PCDH9: variants seen among roughly 807,000 people sequenced by gnomAD.
The protein encoded by PCDH9 is protocadherin 9.
A neutral mutation model predicts 70.6 loss-of-function variants in PCDH9; 24 were observed. The ratio of observed to expected loss-of-function variants is 0.34; its 90% confidence interval spans 0.25 to 0.48. The LOEUF (loss-of-function observed/expected upper bound fraction) is 0.48, where lower values mean the gene tolerates loss of function less well. PCDH9 is among the 20% of genes least tolerant of loss of function. The probability of loss-of-function intolerance (pLI) is 0.99; values close to 1 mark genes in which losing one functional copy is unlikely to be tolerated. For missense variants in PCDH9, 1,281 were observed against 1,503.6 expected, an observed-to-expected ratio of 0.85 and a Z score of 2.45; for synonymous variants, 562 against 558.5, an observed-to-expected ratio of 1.01 and a Z score of -0.09.
intron 4 of PCDH9, among the ~76,000 whole-genome samples, chr13:66,374,704 C>G (rs1350202824): frequency 6.6e-6 from 1 of 152,016 alleles, no homozygotes; most frequent in Non-Finnish European, 1.5e-5. Flanking sequence ...TTCCACCTCC[C>G]AAAATGCATC....
chr13:66,584,615 A>T (rs974169610), intron 4 of PCDH9, among the ~76,000 whole-genome samples: 3 of 152,172 alleles, frequency 2.0e-5, no homozygotes, highest in African/African-American at 7.2e-5. Flanking sequence ...ATTTTTCTAG[A>T]TCATTTCGAA....
intron 3 of PCDH9, among the ~76,000 whole-genome samples, chr13:66,852,671 C>T (rs770691917): frequency 1.2e-4 from 19 of 152,256 alleles, no homozygotes; most frequent in East Asian, 1.9e-4. Context: ...CTCTGAAATG[C>T]TGATTGCATT....
chr13:66,580,716 C>T (rs890589935), intron 4 of PCDH9, among the ~76,000 whole-genome samples: 1 of 151,930 alleles, frequency 6.6e-6, no homozygotes, highest in Non-Finnish European at 1.5e-5. Context: ...TTCAAAAAGC[C>T]ATAGAAACGT....
chr13:66,544,862 T>A (rs569488918), intron 4 of PCDH9, among the ~76,000 whole-genome samples: 1 of 152,262 alleles, frequency 6.6e-6, no homozygotes, highest in African/African-American at 2.4e-5. Flanking sequence ...TCCATATGGT[T>A]TCAGCCAGTT....
intron 3 of PCDH9, among the ~76,000 whole-genome samples, chr13:66,682,082 T>C (rs924957195): frequency 6.6e-6 from 1 of 151,806 alleles, no homozygotes; most frequent in African/African-American, 2.4e-5. Flanking sequence ...GTTATCTATT[T>C]ATGACTCAAA....
intron 4 of PCDH9, among the ~76,000 whole-genome samples, chr13:66,458,483 G>T (rs1426660197): frequency 6.6e-6 from 1 of 151,952 alleles, no homozygotes; most frequent in African/African-American, 2.4e-5. Flanking sequence ...AAGAGAGCTG[G>T]TCACCTTTTT....
At chr13:66,494,094 A>C (rs1489134548) in intron 4 of PCDH9, among the ~76,000 whole-genome samples, 5 of 152,110 alleles carry the variant, frequency 3.3e-5, no homozygotes, top group Admixed American at 2.6e-4. Flanking sequence ...AAGAAAACAA[A>C]ATGTAAATTT....
chr13:66,643,915 T>C (rs2077738684), intron 3 of PCDH9, among the ~76,000 whole-genome samples: 3 of 151,980 alleles, frequency 2.0e-5, no homozygotes, highest in South Asian at 2.1e-4. Context: ...AAATAAAACA[T>C]GTACAAAATT....
At chr13:66,942,094 T>A (rs571217276) in intron 2 of PCDH9, among the ~76,000 whole-genome samples, 36 of 151,888 alleles carry the variant, frequency 2.4e-4, no homozygotes, top group Non-Finnish European at 4.9e-4. Context: ...ACAAAATAGA[T>A]AATTAGAAGT....
chr13:66,937,794 C>T (rs1257609142), intron 2 of PCDH9, among the ~76,000 whole-genome samples: 1 of 149,272 alleles, frequency 6.7e-6, no homozygotes, highest in African/African-American at 2.5e-5. Flanking sequence ...CTGTACTTCA[C>T]TTCCAATTCC....
intron 3 of PCDH9, among the ~76,000 whole-genome samples, chr13:66,823,424 AATTAT>A (rs1291581358): frequency 1.3e-5 from 2 of 151,644 alleles, no homozygotes; most frequent in African/African-American, 2.4e-5. Flanking sequence ...TATAAAGATA[AATTAT>A]ATTATAAAGA....
chr13:67,061,407 C>A (rs547313089), intron 2 of PCDH9, among the ~76,000 whole-genome samples: 50 of 152,000 alleles, frequency 3.3e-4, no homozygotes, highest in African/African-American at 8.2e-4. Context: ...CCCTCTCTCT[C>A]TCTATATATA....
At chr13:66,684,970 A>C (rs35419745) in intron 3 of PCDH9, among the ~76,000 whole-genome samples, 2 of 152,178 alleles carry the variant, frequency 1.3e-5, no homozygotes, top group Non-Finnish European at 2.9e-5. Context: ...TGTTAAAAGC[A>C]ATCAGTTTTA....
intron 4 of PCDH9, among the ~76,000 whole-genome samples, chr13:66,532,137 T>C (rs1960486342): frequency 6.6e-6 from 1 of 151,774 alleles, no homozygotes; most frequent in Admixed American, 6.6e-5. Flanking sequence ...ATTACAGGCA[T>C]GTACCACCAT....
At chr13:66,387,640 C>A (rs1956951784) in intron 4 of PCDH9, among the ~76,000 whole-genome samples, 1 of 152,030 alleles carries the variant, frequency 6.6e-6, no homozygotes, top group Admixed American at 6.6e-5. Flanking sequence ...TTGCCTTCGC[C>A]TTCTGTCATG....
At chr13:66,737,929 G>A (rs911478159) in intron 3 of PCDH9, among the ~76,000 whole-genome samples, 78 of 152,098 alleles carry the variant, frequency 5.1e-4, no homozygotes, top group Non-Finnish European at 6.9e-4. Flanking sequence ...AGGGGCGCCC[G>A]CCATTGCCCA....
chr13:66,695,801 T>A (rs1046134072), intron 3 of PCDH9, among the ~76,000 whole-genome samples: 1 of 152,170 alleles, frequency 6.6e-6, no homozygotes, highest in Non-Finnish European at 1.5e-5. Flanking sequence ...TGAGATTAAA[T>A]GTAGTTCACA....
At chr13:67,019,873 A>C (rs575804854) in intron 2 of PCDH9, among the ~76,000 whole-genome samples, 2 of 152,324 alleles carry the variant, frequency 1.3e-5, no homozygotes, top group African/African-American at 2.4e-5. Flanking sequence ...TTTTGGCTGT[A>C]TTGCAGTTAA....
chr13:66,982,198 ATC>A (rs2083787257), intron 2 of PCDH9, among the ~76,000 whole-genome samples: 1 of 152,220 alleles, frequency 6.6e-6, no homozygotes, highest in South Asian at 2.1e-4. Context: ...AGTAAAAGTT[ATC>A]TGAGGTCTCC....
Sources: allele counts gnomAD v4.1 joint callset (sites outside exome capture counted in the v4.1 genomes callset), GRCh38; gene constraint gnomAD v4.1.1; transcripts MANE v1.5; gene names NCBI Gene and HGNC (gene_info 2026-07-23, HGNC 2026-07-21).